Variants in POLR1C observed in about 807,000 individuals in gnomAD.
The protein encoded by POLR1C is DNA-directed RNA polymerases I and III subunit RPAC1.
Under a neutral mutation model 38.3 loss-of-function variants are expected in POLR1C, and 42 were observed. The observed-to-expected ratio is 1.10, with a 90% CI of 0.86 to 1.42. POLR1C has a LOEUF of 1.42. POLR1C is among the 40% of genes most tolerant of loss of function. The probability of loss-of-function intolerance (pLI) is 0.00; values close to 1 mark genes in which losing one functional copy is unlikely to be tolerated. For synonymous variants in POLR1C, 163 were observed against 163.9 expected (o/e 0.99, Z 0.04); for missense variants, 507 against 450.5 (o/e 1.13, Z -1.14).
At chr6:43,548,189 C>T (rs981524215) in intron 9 of POLR1C, 2 of 1,453,766 alleles carry the variant, frequency 1.4e-6, no homozygotes, top group Non-Finnish European at 1.8e-6. Context: ...CCCTACCCCA[C>T]CCTGGGCCTA....
downstream of POLR1C, among the ~76,000 whole-genome samples, chr6:43,522,069 G>A (rs1360763732): frequency 1.3e-5 from 2 of 152,212 alleles, no homozygotes; most frequent in African/African-American, 2.4e-5. Flanking sequence ...TGTTGCTATT[G>A]ACAGCTCCAA....
Position 43,538,679 on chromosome 6 carries a change from C to T in POLR1C, c.*4+9320C>T, listed in dbSNP as rs926890288. 5 of 413,436 alleles carry T rather than the reference C, an allele frequency of 1.2e-5. No individual in the cohort carries two copies. The East Asian group carries it at 2.1e-4, about 17-fold the overall frequency. 25.6% of individuals were successfully genotyped at this position (413,436 alleles called of 1,614,324 possible). A position where few individuals can be genotyped will look rare whatever the true frequency, so the allele number is the denominator to read the frequency against. ...TCTCTATGTTTACAAGTGATTTAGG[C>T]CTATAATTTTCCTCTTTGGTACTGT... On this transcript the variant is annotated intron_variant, in intron 9 of 10. Coordinates refer to the POLR1C transcript ENST00000607635.
chr6:43,536,346 C>T (rs112201187), intron 9 of POLR1C, among the ~76,000 whole-genome samples: 2 of 151,524 alleles, frequency 1.3e-5, no homozygotes, highest in Admixed American at 6.6e-5. Context: ...ACCCAGGAGG[C>T]GGAAATTGCA....
At position 43,520,511 on chromosome 6, in the gene POLR1C, T is replaced by G. The variant is rs1793100721; in HGVS notation, c.655+84T>G. 5 of 1,602,144 alleles carry G rather than the reference T, an allele frequency of 3.1e-6. No individual in the cohort carries two copies. In the East Asian group the frequency reaches 8.9e-5, roughly 29 times the overall value. ...TGACTAGGGAACTCAGCTGAGACAT[T>G]CCCGGCAGGTAGAAAGCCAAGAGGG... On this transcript the variant is annotated intron_variant, in intron 6 of 8. Coordinates refer to ENST00000642195, the MANE Select transcript of POLR1C (RefSeq NM_203290.4).
downstream of POLR1C, chr6:43,533,204 A>T (rs1156935268): frequency 7.1e-6 from 1 of 140,590 alleles, no homozygotes; most frequent in Non-Finnish European, 1.5e-5. Context: ...AAAAACTTTG[A>T]TACCTATCTA....
downstream of POLR1C, chr6:43,525,867 T>A (rs779439691): frequency 5.0e-6 from 8 of 1,614,036 alleles, no homozygotes; most frequent in East Asian, 1.8e-4. Flanking sequence ...TTTGCCCAGG[T>A]CTGTAAGCTC....
chr6:43,549,607 G>C (rs1184403602), intron 9 of POLR1C: 1 of 1,606,450 alleles, frequency 6.2e-7, no homozygotes, highest in Non-Finnish European at 8.5e-7. Flanking sequence ...CAAACTCGGA[G>C]CTGCTTTTAA....
chr6:43,526,946 T>TC (rs1389725746), intron 8 of POLR1C: 2 of 574,398 alleles, frequency 3.5e-6, no homozygotes, highest in Admixed American at 5.6e-5. Context: ...TCCTTCAAGT[T>TC]CAACTAGCTG....
At chr6:43,554,092 G>C (rs185494085) in intron 10 of POLR1C, among the ~76,000 whole-genome samples, 99 of 152,234 alleles carry the variant, frequency 6.5e-4, no homozygotes, top group African/African-American at 2.2e-3. Context: ...CAAGCAAAAA[G>C]ATTTACCAAC....
chr6:43,520,405 C>T lies in POLR1C; in HGVS notation c.633C>T (p.Leu211=), dbSNP rs1406733339. 5 of 1,613,674 alleles carry T rather than the reference C, an allele frequency of 3.1e-6. No homozygotes were observed. The African/African-American group carries it at 5.3e-5, about 17-fold the overall frequency. ...QLRPGQEIDL[L]MHCVKGIGKD... is the part of the protein sequence containing the mutation. ...GGCCTGGCCAAGAAATTGACCTGCT[C>T]ATGCACTGTGTCAAGGGCATTGGTG... is the stretch of plus-strand genomic sequence containing the variant. The change falls in exon 6 of 9, where the codon CTC becomes CTT. Residue 211 remains leucine (L), a synonymous_variant. Transcript: ENST00000642195.
chr6:43,523,362 A>G (rs1396748976), downstream of POLR1C: 14 of 283,804 alleles, frequency 4.9e-5, no homozygotes, highest in East Asian at 1.3e-3. Flanking sequence ...CCTAACCCAG[A>G]CATGCCCCTT....
At chr6:43,524,030 T>C, downstream of POLR1C, 1 of 1,606,666 alleles carries the variant, frequency 6.2e-7, no homozygotes, top group Non-Finnish European at 8.5e-7. Flanking sequence ...TGAGAAAGAA[T>C]TAATGCTGGG....
chr6:43,556,891 G>A (rs534481010), intron 10 of POLR1C, among the ~76,000 whole-genome samples: 2 of 151,628 alleles, frequency 1.3e-5, no homozygotes, highest in South Asian at 2.1e-4. Flanking sequence ...ACTTTGGGAC[G>A]CCAAGGCAGG....
intron 10 of POLR1C, among the ~76,000 whole-genome samples, chr6:43,556,912 G>A (rs1190530914): frequency 6.6e-6 from 1 of 151,862 alleles, no homozygotes; most frequent in Admixed American, 6.6e-5. Flanking sequence ...TGAATCAGCT[G>A]AGGTCGGGAG....
chr6:43,531,098 C>G (rs1416419201), downstream of POLR1C, among the ~76,000 whole-genome samples: 1 of 152,182 alleles, frequency 6.6e-6, no homozygotes, highest in Non-Finnish European at 1.5e-5. Flanking sequence ...GAGGCCAAAG[C>G]CCATGAGGGC....
intron 8 of POLR1C, chr6:43,528,725 G>A: frequency 7.2e-6 from 8 of 1,106,468 alleles, no homozygotes; most frequent in Non-Finnish European, 1.1e-5. Flanking sequence ...AGTCTGGCAG[G>A]GCTAGTAGAC....
intron 9 of POLR1C, among the ~76,000 whole-genome samples, chr6:43,536,555 A>T (rs1016704669): frequency 6.6e-6 from 1 of 151,386 alleles, no homozygotes; most frequent in East Asian, 1.9e-4. Flanking sequence ...TCAGGAGTTC[A>T]AGACCAGTCT....
intron 10 of POLR1C, among the ~76,000 whole-genome samples, chr6:43,559,669 C>G (rs1293522123): frequency 6.6e-6 from 1 of 152,136 alleles, no homozygotes; most frequent in Non-Finnish European, 1.5e-5. Flanking sequence ...AGCACCTAGC[C>G]CAATACTTAT....
chr6:43,522,925 T>C (rs1442319432), downstream of POLR1C: 3 of 169,138 alleles, frequency 1.8e-5, no homozygotes. Flanking sequence ...CTTTTGGAAA[T>C]GGCCTTTGAG....
Sources: gnomAD v4.1 joint callset for allele counts (sites outside exome capture counted in the v4.1 genomes callset) on GRCh38, gnomAD v4.1.1 for gene constraint, MANE v1.5 for transcripts, NCBI Gene and HGNC (gene_info 2026-07-23, HGNC 2026-07-21) for gene names.